SLFN14: variants seen among roughly 807,000 people sequenced by gnomAD.
The protein encoded by SLFN14 is schlafen family member 14, also known as protein SLFN14.
A neutral mutation model predicts 58.6 loss-of-function variants in SLFN14; 47 were observed. The observed-to-expected ratio is 0.80, with a 90% CI of 0.64 to 1.02. SLFN14 has a LOEUF of 1.02. SLFN14 is among the 50% of genes least tolerant of loss of function. The probability of loss-of-function intolerance (pLI) is 0.00; values close to 1 mark genes in which losing one functional copy is unlikely to be tolerated. For synonymous variants in SLFN14, 390 were observed against 387.3 expected (o/e 1.01, Z -0.08); for missense variants, 967 against 1,078.4 (o/e 0.90, Z 1.45).
chr17:35,554,841 C>T (rs1184478828), intron 3 of SLFN14, 137 bp from the exon 4 acceptor site: 2 of 580,138 alleles, frequency 3.4e-6, no homozygotes, highest in Non-Finnish European at 5.2e-6. Flanking sequence ...ACTTACTATG[C>T]GTCAGACAGC....
At position 35,557,745 on chromosome 17, in the gene SLFN14, C is replaced by A. The variant is rs1168267430; in HGVS notation, c.318G>T (p.Leu106=). The A allele has an allele frequency of 6.4e-7, 1 of 1,551,688 alleles. No individual in the cohort carries two copies. The highest frequency in any genetic ancestry group is 1.4e-5 in the African/African-American group (1 of 73,162). ...LDYMQQGHNL[L]IFVKSWSPDV... ...CTGGGCTCCATGACTTCACAAAAAT[C>A]AGGAGATTGTGCCCCTGCTGCATGT... is the stretch of plus-strand genomic sequence containing the variant. Residue 106 remains leucine (L), a synonymous_variant, in exon 3 of 6, where the codon CTG becomes CTT. Coordinates refer to ENST00000674182, the MANE Select transcript of SLFN14 (RefSeq NM_001129820.2).
chr17:35,548,217 C>T lies in SLFN14; in HGVS notation c.*22G>A, dbSNP rs1394456809. On this transcript the variant is annotated 3_prime_UTR_variant, in exon 6 of 6. Transcript: ENST00000674182. ...GAAAGGACTCTGCTCTTCCTGTCTT[C>T]CTCTATTATTTGTAATAATTTTCAG... 1 of 1,544,722 alleles carries T rather than the reference C, an allele frequency of 6.5e-7. No homozygotes were observed. Among genetic ancestry groups the T allele is most frequent in the Admixed American group, 2.0e-5 (1 of 50,472 alleles).
At chr17:35,559,008 G>A (rs1054106855) in intron 2 of SLFN14, among the ~76,000 whole-genome samples, 1 of 151,642 alleles carries the variant, frequency 6.6e-6, no homozygotes, top group African/African-American at 2.4e-5. Flanking sequence ...ATCAGGAGTT[G>A]AGACCAGCGT....
intron 2 of SLFN14, among the ~76,000 whole-genome samples, chr17:35,559,053 TAAA>T (rs33995321): frequency 0.011 from 1,524 of 140,278 alleles, 13 homozygotes; most frequent in Admixed American, 0.017. Context: ...CGACAAAAGA[TAAA>T]AAAAAAAAAA....
chr17:35,553,250 C>G lies in SLFN14; in HGVS notation c.1384G>C (p.Ala462Pro). 6.4e-7 allele frequency: 1 copy of G among 1,551,684 alleles called. No homozygotes were observed. Among genetic ancestry groups the G allele is most frequent in the Non-Finnish European group, 8.7e-7 (1 of 1,146,992 alleles). The change falls in exon 5 of 6, where the codon GCA (alanine) becomes CCA (proline). Residue 462 changes from alanine to proline, a missense_variant. Ala to Pro is a conservative substitution (Grantham distance 27). Coordinates refer to ENST00000674182, the MANE Select transcript of SLFN14 (RefSeq NM_001129820.2). ...TAGAGTACCACGGGGCTGTTAACTG[C>G]TATCAGGAGAGCATCACACAGGACA... The part of the protein sequence containing the change: ...QNVLCDALLI[A>P]VNSPVVLYTI...
At position 35,548,946 on chromosome 17, in the gene SLFN14, C is replaced by T; in HGVS notation, c.2032G>A (p.Ala678Thr). The stretch of plus-strand genomic sequence containing the variant: ...GCCTTTGGATGGGTGATGTTCTTAG[C>T]CTTCATGTACCAATTGCCATATTTG... ...CSKYGNWYMK[A>T]KNITHPKAKG... Residue 678 changes from alanine (A) to threonine (T), a missense_variant, in exon 6 of 6, where the codon GCT (alanine) becomes ACT (threonine). Transcript: ENST00000674182. The T allele has an allele frequency of 1.9e-6, 3 of 1,551,736 alleles. No individual in the cohort carries two copies. The highest frequency in any genetic ancestry group is 2.6e-6 in the Non-Finnish European group (3 of 1,147,008).
Position 35,548,111 on chromosome 17 carries a change from T to G in SLFN14, c.*128A>C. Reference sequence around the variant, plus strand: ...GGAAGGCTCAGCTCCAAGAGACATTTCTGTGGCTCCAGGCCATACTGATGT... The same window carrying G: ...GGAAGGCTCAGCTCCAAGAGACATTGCTGTGGCTCCAGGCCATACTGATGT... On this transcript the variant is annotated 3_prime_UTR_variant, in exon 6 of 6. Coordinates refer to ENST00000674182, the MANE Select transcript of SLFN14 (RefSeq NM_001129820.2). 2 of 906,884 alleles carry G rather than the reference T, an allele frequency of 2.2e-6. No individual in the cohort carries two copies. The highest frequency in any genetic ancestry group is 3.2e-6 in the Non-Finnish European group (2 of 616,272). The allele number at this position is 906,884 out of a possible 1,614,324, so 56.2% of individuals were successfully genotyped here.
Position 35,548,808 on chromosome 17 carries a change from G to A in SLFN14, c.2170C>T (p.Pro724Ser), listed in dbSNP as rs534722902. Reference protein sequence around the residue: ...NGLPPPSAQFPRKTITSGIHC... With the variant: ...NGLPPPSAQFSRKTITSGIHC... The stretch of plus-strand genomic sequence containing the variant: ...ATCCCACTGGTGATTGTTTTTCGAG[G>A]AAACTGAGCAGATGGAGGGGGAAGG... The change falls in exon 6 of 6, where the codon CCT (proline) becomes TCT (serine). Residue 724 changes from proline to serine, a missense_variant. Pro to Ser is a moderately conservative substitution (Grantham distance 74). Transcript: ENST00000674182. The A allele has an allele frequency of 4.5e-6, 7 of 1,551,426 alleles. No individual in the cohort carries two copies. In the South Asian group the frequency reaches 7.1e-5, roughly 16 times the overall value.
intron 2 of SLFN14, among the ~76,000 whole-genome samples, chr17:35,559,165 G>A (rs2072680252): frequency 6.6e-6 from 1 of 152,122 alleles, no homozygotes; most frequent in Admixed American, 6.6e-5. Flanking sequence ...GTTTGAGGCT[G>A]CAGTGAACCA....
Position 35,558,043 on chromosome 17 carries a change from T to C in SLFN14, c.20A>G (p.Asp7Gly). The change falls in exon 3 of 6, where the codon GAT becomes GGT. Residue 7 changes from aspartate to glycine, a missense_variant. Coordinates refer to ENST00000674182, the MANE Select transcript of SLFN14 (RefSeq NM_001129820.2). ...TACCTCAGGATACGGCATTTCAGTA[T>C]CAGTCTTGAGACTCTCCATTTCAGC... MESLKTDTEMPYPEVIV... is the reference protein window; with the variant it reads MESLKTGTEMPYPEVIV... The C allele has an allele frequency of 6.4e-7, 1 of 1,551,274 alleles. No individual in the cohort carries two copies. Among genetic ancestry groups the C allele is most frequent in the Non-Finnish European group, 8.7e-7 (1 of 1,146,992 alleles).
At position 35,547,462 on chromosome 17, in the gene SLFN14, T is replaced by A. The variant is rs1023773443; in HGVS notation, c.*777A>T. Among the ~76,000 whole-genome samples the A allele has an allele frequency of 1.3e-5, 2 of 152,226 alleles. No homozygotes were observed. Among genetic ancestry groups the A allele is most frequent in the Non-Finnish European group, 2.9e-5 (2 of 68,044 alleles). ...CCCTTACTGTAAGGCTATGTTCATA[T>A]AATTTGGCTTCCTATATTACTGTTG... On this transcript the variant is annotated 3_prime_UTR_variant, in exon 6 of 6. Transcript: ENST00000674182.
chr17:35,557,310 G>A lies in SLFN14; in HGVS notation c.753C>T (p.Ser251=). 1 of 1,551,608 alleles carries A rather than the reference G, an allele frequency of 6.4e-7. No individual in the cohort carries two copies. Among genetic ancestry groups the A allele is most frequent in the African/African-American group, 1.4e-5 (1 of 73,118 alleles). The change falls in exon 3 of 6, where the codon AGC becomes AGT. Residue 251 remains serine, a synonymous_variant. Coordinates refer to ENST00000674182, the MANE Select transcript of SLFN14 (RefSeq NM_001129820.2). ...GYVLIGVDDK[S]KEVVGCKWEK... Reference sequence around the variant, plus strand: ...CCCACTTACATCCAACCACTTCTTTGCTCTTATCATCCACCCCAATGAGGA... The same window carrying A: ...CCCACTTACATCCAACCACTTCTTTACTCTTATCATCCACCCCAATGAGGA...
Position 35,548,084 on chromosome 17 carries a change from G to A in SLFN14, c.*155C>T, listed in dbSNP as rs2072548179. 4 of 718,220 alleles carry A rather than the reference G, an allele frequency of 5.6e-6. No individual in the cohort carries two copies. Among genetic ancestry groups the A allele is most frequent in the South Asian group, 3.9e-5 (2 of 51,280 alleles). The allele number at this position is 718,220 out of a possible 1,614,324, so 44.5% of individuals were successfully genotyped here. On this transcript the variant is annotated 3_prime_UTR_variant, in exon 6 of 6. Coordinates refer to ENST00000674182, the MANE Select transcript of SLFN14 (RefSeq NM_001129820.2). ...AAAAGGCCAGTGGCATTGAAATAGA[G>A]TGGAAGGCTCAGCTCCAAGAGACAT...
chr17:35,560,559 C>T (rs1185858131), intron 1 of SLFN14, among the ~76,000 whole-genome samples: 1 of 152,084 alleles, frequency 6.6e-6, no homozygotes, highest in Non-Finnish European at 1.5e-5. Context: ...AACTGTTGAC[C>T]TCAGGTGATC....
chr17:35,556,501 G>A (rs571580237), intron 3 of SLFN14, among the ~76,000 whole-genome samples: 55 of 152,240 alleles, frequency 3.6e-4, no homozygotes, highest in African/African-American at 1.2e-3. Context: ...AGTTGCTTAG[G>A]CTGGCCAGGA....
rs980145943 is a variant in SLFN14 at position 35,558,126 on chromosome 17, A to G, written c.-44-20T>C. 1 of 1,325,164 alleles carries G rather than the reference A, an allele frequency of 7.5e-7. No individual in the cohort carries two copies. The highest frequency in any genetic ancestry group is 1.5e-5 in the African/African-American group (1 of 67,318). 82.1% of individuals were successfully genotyped at this position (1,325,164 alleles called of 1,614,324 possible). A position where few individuals can be genotyped will look rare whatever the true frequency, so the allele number is the denominator to read the frequency against. ...GAGTTCCTATAATCAGGACAGAAAT[A>G]TTGTTTCTATATTAATAAGAATTCC... On this transcript the variant is annotated intron_variant, in intron 2 of 5. Transcript: ENST00000674182.
At chr17:35,552,614 GTATATATATACACATA>G (rs1361709310) in intron 5 of SLFN14, 100 bp downstream of exon 5, 22 of 311,334 alleles carry the variant, frequency 7.1e-5, no homozygotes, top group African/African-American at 5.4e-4. Context: ...ATATATATGT[GTATATATATACACATA>G]TATATACATA....
At chr17:35,552,491 G>A (rs574625705) in intron 5 of SLFN14, among the ~76,000 whole-genome samples, 2 of 151,928 alleles carry the variant, frequency 1.3e-5, no homozygotes, top group South Asian at 4.1e-4. Flanking sequence ...GACAATGATC[G>A]GGATATAAAC....
intron 5 of SLFN14, among the ~76,000 whole-genome samples, chr17:35,550,681 A>G (rs1326238820): frequency 6.6e-6 from 1 of 152,224 alleles, no homozygotes; most frequent in East Asian, 1.9e-4. Context: ...TAGATACCAC[A>G]TCAACAGTGC....
Sources: allele counts gnomAD v4.1 joint callset (sites outside exome capture counted in the v4.1 genomes callset), GRCh38; gene constraint gnomAD v4.1.1; transcripts MANE v1.5; gene names NCBI Gene and HGNC (gene_info 2026-07-23, HGNC 2026-07-21).